CCDC192: variants seen among roughly 807,000 people sequenced by gnomAD.
CCDC192 encodes coiled-coil domain containing 192.
At chr5:127,747,083 TTTC>T (rs1170790973) in intron 2 of CCDC192, among the ~76,000 whole-genome samples, 2 of 150,682 alleles carry the variant, frequency 1.3e-5, no homozygotes, top group African/African-American at 2.5e-5. Flanking sequence ...TTTTTTTTTA[TTTC>T]TTGTTTCTTT....
At chr5:127,875,251 G>T (rs1243089838) in intron 5 of CCDC192, among the ~76,000 whole-genome samples, 1 of 152,164 alleles carries the variant, frequency 6.6e-6, no homozygotes, top group African/African-American at 2.4e-5. Flanking sequence ...TCTTCTAACT[G>T]CCTCTATTAT....
intron 5 of CCDC192, among the ~76,000 whole-genome samples, chr5:127,826,020 C>T (rs1749513191): frequency 2.0e-5 from 3 of 152,072 alleles, no homozygotes; most frequent in Admixed American, 6.5e-5. Context: ...TATTGAGGGT[C>T]ATTAGGTTAA....
In CCDC192 at chr5:127,719,534, C is replaced by CATACATACATAT. The variant is rs1561444958; in HGVS notation, c.114+11777_114+11778insCATACATATATA. On this transcript the variant is annotated intron_variant, in intron 2 of 6. Coordinates refer to ENST00000514853, the MANE Select transcript of CCDC192 (RefSeq NM_001317938.2). ...ATATATATATATATATACACACATACATATATATATATATATATATATATA... is the reference window on the plus strand; with the variant it reads ...ATATATATATATATATACACACATACATACATACATATATATATATATATATATATATATATA... Among the ~76,000 whole-genome samples the CATACATACATAT allele has an allele frequency of 5.2e-4, 22 of 42,272 alleles. 1 individual carries two copies. The highest frequency in any genetic ancestry group is 1.5e-3 in the Admixed American group (4 of 2,676). The allele number at this position is 42,272 out of a possible 152,430, so 27.7% of individuals were successfully genotyped here. A position where few individuals can be genotyped will look rare whatever the true frequency, so the allele number is the denominator to read the frequency against.
chr5:127,792,548 G>A (rs868180545), intron 3 of CCDC192, among the ~76,000 whole-genome samples: 196 of 131,340 alleles, frequency 1.5e-3, no homozygotes, highest in African/African-American at 4.6e-3. Flanking sequence ...ATATATATAT[G>A]TATAAAAATT....
At chr5:127,841,693 A>T (rs1750295928) in intron 5 of CCDC192, among the ~76,000 whole-genome samples, 1 of 152,118 alleles carries the variant, frequency 6.6e-6, no homozygotes, top group Admixed American at 6.5e-5. Flanking sequence ...ACCCTTGACT[A>T]CACTGTCTTA....
intron 5 of CCDC192, among the ~76,000 whole-genome samples, chr5:127,842,081 G>C (rs988031185): frequency 2.0e-5 from 3 of 152,214 alleles, no homozygotes; most frequent in African/African-American, 4.8e-5. Context: ...GGAGGTGCCA[G>C]CTCCTCTGAA....
At chr5:127,839,758 T>C (rs564557385) in intron 5 of CCDC192, among the ~76,000 whole-genome samples, 2 of 152,138 alleles carry the variant, frequency 1.3e-5, no homozygotes, top group Admixed American at 6.5e-5. Context: ...ATAGGGATAC[T>C]GTATTTCATC....
chr5:127,933,739 G>A (rs536515177), intron 6 of CCDC192, among the ~76,000 whole-genome samples: 322 of 152,224 alleles, frequency 2.1e-3, no homozygotes, highest in Non-Finnish European at 3.8e-3. Context: ...CTATTAAAAG[G>A]TAAGGTCTTT....
intron 5 of CCDC192, among the ~76,000 whole-genome samples, chr5:127,831,902 A>G (rs1749813049): frequency 6.6e-6 from 1 of 152,102 alleles, no homozygotes; most frequent in Non-Finnish European, 1.5e-5. Flanking sequence ...CAAAACATTA[A>G]TTGCAAGTTT....
chr5:127,765,317 T>C (rs908931951), intron 3 of CCDC192, among the ~76,000 whole-genome samples: 9 of 152,194 alleles, frequency 5.9e-5, no homozygotes, highest in African/African-American at 1.9e-4. Flanking sequence ...TAAGGAAATA[T>C]GCAAAATGTA....
chr5:127,855,440 T>C (rs1348946089), intron 5 of CCDC192, among the ~76,000 whole-genome samples: 2 of 152,230 alleles, frequency 1.3e-5, no homozygotes, highest in Non-Finnish European at 2.9e-5. Context: ...CTGCAGTTAC[T>C]TCCTCTGTTG....
chr5:127,827,396 A>G (rs896626149), intron 5 of CCDC192, among the ~76,000 whole-genome samples: 4 of 152,164 alleles, frequency 2.6e-5, no homozygotes, highest in Non-Finnish European at 5.9e-5. Context: ...CAAAATATCC[A>G]CCGTGTCCTT....
intron 2 of CCDC192, among the ~76,000 whole-genome samples, chr5:127,748,904 C>CT (rs1330155721): frequency 6.6e-6 from 1 of 151,364 alleles, no homozygotes; most frequent in Non-Finnish European, 1.5e-5. Flanking sequence ...ATTTGGCTCT[C>CT]TGTTTGTCTG....
intron 3 of CCDC192, among the ~76,000 whole-genome samples, chr5:127,787,424 C>T (rs1219526863): frequency 6.6e-6 from 1 of 152,124 alleles, no homozygotes; most frequent in Non-Finnish European, 1.5e-5. Flanking sequence ...TTTTTGTATG[C>T]TATGTTTTGT....
chr5:127,828,710 AG>A (rs1431979696), intron 5 of CCDC192, among the ~76,000 whole-genome samples: 1 of 152,222 alleles, frequency 6.6e-6, no homozygotes, highest in African/African-American at 2.4e-5. Context: ...GTCTCTCAGA[AG>A]AAATGAAATG....
chr5:127,933,396 C>A (rs1312281183), intron 6 of CCDC192, among the ~76,000 whole-genome samples: 5 of 152,102 alleles, frequency 3.3e-5, no homozygotes, highest in Non-Finnish European at 5.9e-5. Context: ...GAGGGAATTA[C>A]CACTTAAATA....
chr5:127,732,049 A>G (rs1004894951), intron 2 of CCDC192, among the ~76,000 whole-genome samples: 2 of 152,220 alleles, frequency 1.3e-5, no homozygotes, highest in African/African-American at 4.8e-5. Flanking sequence ...AACTGTCATT[A>G]GAGTGAACAG....
At chr5:127,908,748 T>G (rs1202385713) in intron 6 of CCDC192, among the ~76,000 whole-genome samples, 1 of 152,168 alleles carries the variant, frequency 6.6e-6, no homozygotes, top group Non-Finnish European at 1.5e-5. Flanking sequence ...AGGCTGAGGG[T>G]TACTCCTCAG....
intron 2 of CCDC192, among the ~76,000 whole-genome samples, chr5:127,718,511 T>C (rs1751770874): frequency 6.6e-6 from 1 of 152,180 alleles, no homozygotes; most frequent in Admixed American, 6.5e-5. Context: ...TGCTGGCACA[T>C]TTTATTCTCT....
Sources: allele counts gnomAD v4.1 joint callset (sites outside exome capture counted in the v4.1 genomes callset), GRCh38; gene constraint gnomAD v4.1.1; transcripts MANE v1.5; gene names NCBI Gene and HGNC (gene_info 2026-07-23, HGNC 2026-07-21).